PATJ: variants seen among roughly 807,000 people sequenced by gnomAD.
The protein encoded by PATJ is inaD-like protein.
PATJ carries 190 observed loss-of-function variants against 224.9 expected under a neutral mutation model. The ratio of observed to expected loss-of-function variants is 0.84; its 90% CI spans 0.75 to 0.95. The LOEUF (loss-of-function observed/expected upper bound fraction) is 0.95, where lower values mean the gene tolerates loss of function less well. Ranked by LOEUF, PATJ falls within the 40% of genes least tolerant of loss-of-function variation. The probability of loss-of-function intolerance (pLI) is 0.00; values close to 1 mark genes in which losing one functional copy is unlikely to be tolerated. For missense variants in PATJ, 2,121 were observed against 2,270.3 expected, an observed-to-expected ratio of 0.93 and a Z score of 1.34; for synonymous variants, 769 against 820.3, an observed-to-expected ratio of 0.94 and a Z score of 1.07.
intron 41 of PATJ, among the ~76,000 whole-genome samples, chr1:62,142,482 C>G (rs1278436489): frequency 6.6e-6 from 1 of 152,186 alleles, no homozygotes; most frequent in Admixed American, 6.6e-5. Context: ...AATCCCTATT[C>G]CTTATGACAG....
At chr1:62,065,524 C>T (rs1265455841) in intron 31 of PATJ, among the ~76,000 whole-genome samples, 1 of 152,112 alleles carries the variant, frequency 6.6e-6, no homozygotes, top group Non-Finnish European at 1.5e-5. Context: ...AGGCAAATCG[C>T]TTGATCTCAG....
intron 34 of PATJ, among the ~76,000 whole-genome samples, chr1:62,110,977 A>G (rs760297118): frequency 2.6e-5 from 4 of 152,190 alleles, no homozygotes; most frequent in Non-Finnish European, 5.9e-5. Context: ...TAGCCACGCC[A>G]TGATATTTCT....
At chr1:61,892,169 T>C (rs1004290191) in intron 22 of PATJ, among the ~76,000 whole-genome samples, 7 of 152,202 alleles carry the variant, frequency 4.6e-5, no homozygotes, top group African/African-American at 2.4e-5. Context: ...TTCTTTTTGG[T>C]TCCAGTTGCT....
rs1228165601 is a variant in PATJ, at chr1:61,997,997, T to TATATATATATAA, written c.3867+7634_3867+7635insTATATATATAAA. On this transcript the variant is annotated intron_variant, in intron 28 of 43. Coordinates refer to ENST00000642238, the MANE Select transcript of PATJ (RefSeq NM_001350145.3). ...TGTGCCCAGCTTATATATGTATATA[T>TATATATATATAA]AATATATTATATATATTAATTATAT... 6.3e-5 allele frequency among the ~76,000 whole-genome samples: 7 copies of TATATATATATAA among 110,980 alleles called. No homozygotes were observed. The East Asian group carries it at 1.3e-3, about 21-fold the overall frequency. 72.8% of individuals were successfully genotyped at this position (110,980 alleles called of 152,430 possible).
chr1:62,068,928 C>A (rs1459223324), intron 31 of PATJ, among the ~76,000 whole-genome samples: 1 of 152,110 alleles, frequency 6.6e-6, no homozygotes, highest in Non-Finnish European at 1.5e-5. Flanking sequence ...GCAAAGTAAA[C>A]ACATTAGAAT....
intron 28 of PATJ, among the ~76,000 whole-genome samples, chr1:61,997,186 A>C (rs753639645): frequency 6.6e-6 from 1 of 152,262 alleles, no homozygotes; most frequent in Non-Finnish European, 1.5e-5. Flanking sequence ...TCAATATTGT[A>C]TCTCAAAGCT....
chr1:61,974,405 C>CTTTTTTTTTTTTTTTTTTTTTTTTT (rs149825131), intron 27 of PATJ, among the ~76,000 whole-genome samples: 1 of 64,240 alleles, frequency 1.6e-5, no homozygotes, highest in Admixed American at 2.7e-4. Context: ...CTCTCTCTCT[C>CTTTTTTTTTTTTTTTTTTTTTTTTT]TTTTTTTTTT....
intron 24 of PATJ, among the ~76,000 whole-genome samples, chr1:61,905,782 T>C (rs142597162): frequency 6.6e-6 from 1 of 152,278 alleles, no homozygotes; most frequent in Admixed American, 6.5e-5. Context: ...CAAAACAGAA[T>C]ACTAGATGTG....
intron 9 of PATJ, 70 bp from the exon 10 acceptor site, chr1:61,795,395 CTT>C (rs1650860851): frequency 1.3e-6 from 1 of 799,746 alleles, no homozygotes; most frequent in African/African-American, 1.7e-5. Flanking sequence ...TAATTAACCT[CTT>C]GATACAAATT....
At position 61,797,445 on chromosome 1, in the gene PATJ, C is replaced by G. The variant is rs1271992085; in HGVS notation, c.1402+17C>G. ...CAGACAGAGGTGATTAATTTGCCAC[C>G]CCTCTATCCCTCAAGTAGTTTACAT... On this transcript the variant is annotated intron_variant, in intron 11 of 43. Transcript: ENST00000642238. 19 of 1,597,184 alleles carry G rather than the reference C, an allele frequency of 1.2e-5. No individual in the cohort carries two copies. Among genetic ancestry groups the G allele is most frequent in the Non-Finnish European group, 1.6e-5 (19 of 1,166,104 alleles).
intron 30 of PATJ, among the ~76,000 whole-genome samples, chr1:62,050,323 A>G (rs1653374893): frequency 6.6e-6 from 1 of 152,218 alleles, no homozygotes; most frequent in Non-Finnish European, 1.5e-5. Context: ...GGTTGAAGCA[A>G]AAGGAAATGT....
At chr1:61,958,717 T>G (rs1680791017) in intron 27 of PATJ, among the ~76,000 whole-genome samples, 1 of 152,106 alleles carries the variant, frequency 6.6e-6, no homozygotes, top group South Asian at 2.1e-4. Context: ...GGTTACCTGG[T>G]AGAGGGAGAA....
chr1:62,058,084 T>C (rs988907967), intron 31 of PATJ, among the ~76,000 whole-genome samples: 1 of 152,244 alleles, frequency 6.6e-6, no homozygotes, highest in Non-Finnish European at 1.5e-5. Context: ...TGAAATATAA[T>C]TTCTGACCCT....
chr1:61,891,374 GCCAAAACT>G (rs1669585692), intron 22 of PATJ, among the ~76,000 whole-genome samples: 1 of 152,154 alleles, frequency 6.6e-6, no homozygotes, highest in African/African-American at 2.4e-5. Flanking sequence ...GAATTAAACT[GCCAAAACT>G]TACATGTAAA....
intron 33 of PATJ, chr1:62,100,266 G>T (rs936589522): frequency 1.3e-5 from 9 of 667,508 alleles, no homozygotes; most frequent in Non-Finnish European, 2.2e-5. Flanking sequence ...TGCTATAACA[G>T]AATATCTGAG....
At chr1:61,839,603 A>G (rs1660755787) in intron 17 of PATJ, among the ~76,000 whole-genome samples, 1 of 152,072 alleles carries the variant, frequency 6.6e-6, no homozygotes, top group Non-Finnish European at 1.5e-5. Context: ...TGGCAAGTAG[A>G]TATTTTCTGG....
rs371248111 is a variant in PATJ, at chr1:61,871,423, GTA to G, written c.2836-3819_2836-3818del. Among the ~76,000 whole-genome samples, 96 of 47,514 alleles carry G rather than the reference GTA, an allele frequency of 2.0e-3. 1 individual carries two copies. In the South Asian group the frequency reaches 0.065, roughly 32 times the overall value. The allele number at this position is 47,514 out of a possible 152,430, so 31.2% of individuals were successfully genotyped here. ...TATGTGTATATATATACATATATAT[GTA>G]CATATATATGTGTATATACACATAT... On this transcript the variant is annotated intron_variant, in intron 20 of 43. Transcript: ENST00000642238.
At chr1:61,883,050 T>C (rs1668317276) in intron 21 of PATJ, among the ~76,000 whole-genome samples, 1 of 152,210 alleles carries the variant, frequency 6.6e-6, no homozygotes, top group Non-Finnish European at 1.5e-5. Flanking sequence ...ATAGTTATAC[T>C]GTGCTTACTA....
intron 31 of PATJ, among the ~76,000 whole-genome samples, chr1:62,062,731 A>C (rs1008371376): frequency 6.6e-6 from 1 of 151,934 alleles, no homozygotes; most frequent in African/African-American, 2.4e-5. Flanking sequence ...TCCTAGCTTT[A>C]AGTGATCCTC....
Sources: gnomAD v4.1 joint callset for allele counts (sites outside exome capture counted in the v4.1 genomes callset) on GRCh38, gnomAD v4.1.1 for gene constraint, MANE v1.5 for transcripts, NCBI Gene and HGNC (gene_info 2026-07-23, HGNC 2026-07-21) for gene names.